The following ABHD17C variants were observed in gnomAD, a reference collection of about 807,000 sequenced individuals.
ABHD17C encodes the protein abhydrolase domain containing 17C, depalmitoylase.
A neutral mutation model predicts 27.9 loss-of-function variants in ABHD17C; 11 were observed. The ratio of observed to expected loss-of-function variants is 0.39; its 90% CI spans 0.25 to 0.65. The LOEUF is 0.65. Among genes scored for constraint, ABHD17C ranks in the 30% least tolerant of loss-of-function variants. The pLI is 0.45. For synonymous variants in ABHD17C, 233 were observed against 209.1 expected, an observed-to-expected ratio of 1.11 and a Z score of -0.98; for missense variants, 280 against 470.2, an observed-to-expected ratio of 0.60 and a Z score of 3.74.
intron 1 of ABHD17C, among the ~76,000 whole-genome samples, chr15:80,698,106 C>T (rs1411420838): frequency 2.7e-5 from 4 of 147,202 alleles, no homozygotes; most frequent in Admixed American, 6.9e-5. Flanking sequence ...GCTCTGTCGC[C>T]CAGGCTGGAG....
At chr15:80,740,592 A>G (rs969465636) in intron 1 of ABHD17C, among the ~76,000 whole-genome samples, 1 of 152,112 alleles carries the variant, frequency 6.6e-6, no homozygotes, top group African/African-American at 2.4e-5. Flanking sequence ...AGACATACGG[A>G]TCAGAATTCT....
At chr15:80,720,298 C>T (rs1894876357) in intron 1 of ABHD17C, among the ~76,000 whole-genome samples, 1 of 151,676 alleles carries the variant, frequency 6.6e-6, no homozygotes, top group Non-Finnish European at 1.5e-5. Context: ...TCTTGGTGGG[C>T]CCCCTGTTTT....
Position 80,728,590 on chromosome 15 carries a change from C to T in ABHD17C, c.591-20923C>T, listed in dbSNP as rs537107821. 6.6e-5 allele frequency among the ~76,000 whole-genome samples: 10 copies of T among 152,312 alleles called. No individual in the cohort carries two copies. The East Asian group carries it at 1.9e-3, about 29-fold the overall frequency. ...GGGCATTTTTATTGGGCATTAGAGTCAAGACTATAGTGATTTGTGGGCTCA... is the reference window on the plus strand; with the variant it reads ...GGGCATTTTTATTGGGCATTAGAGTTAAGACTATAGTGATTTGTGGGCTCA... On this transcript the variant is annotated intron_variant, in intron 1 of 2. Transcript: ENST00000258884.
intron 1 of ABHD17C, among the ~76,000 whole-genome samples, chr15:80,748,571 C>T (rs571019383): frequency 7.2e-5 from 11 of 152,036 alleles, no homozygotes; most frequent in African/African-American, 9.6e-5. Flanking sequence ...TCATTTCTTT[C>T]GCCTATTTGT....
At chr15:80,733,122 AG>A (rs1482079693) in intron 1 of ABHD17C, among the ~76,000 whole-genome samples, 1 of 152,292 alleles carries the variant, frequency 6.6e-6, no homozygotes, top group East Asian at 1.9e-4. Flanking sequence ...AGCTGGGTTC[AG>A]ACCTTGTGCT....
intron 1 of ABHD17C, among the ~76,000 whole-genome samples, chr15:80,722,030 C>T (rs1022183942): frequency 2.0e-5 from 3 of 152,086 alleles, no homozygotes; most frequent in South Asian, 2.1e-4. Flanking sequence ...AATTTTGAGT[C>T]GGAATCCTCT....
chr15:80,741,060 C>T (rs1330204917), intron 1 of ABHD17C, among the ~76,000 whole-genome samples: 1 of 152,172 alleles, frequency 6.6e-6, no homozygotes, highest in East Asian at 1.9e-4. Flanking sequence ...TCTTGATCCC[C>T]TTCCTTCATC....
At chr15:80,710,521 G>A (rs1894714962) in intron 1 of ABHD17C, among the ~76,000 whole-genome samples, 1 of 152,166 alleles carries the variant, frequency 6.6e-6, no homozygotes, top group Admixed American at 6.5e-5. Context: ...GGATGCAAAT[G>A]CAGTATTTTA....
At chr15:80,718,977 G>A (rs1055315769) in intron 1 of ABHD17C, among the ~76,000 whole-genome samples, 1 of 152,168 alleles carries the variant, frequency 6.6e-6, no homozygotes, top group African/African-American at 2.4e-5. Flanking sequence ...TTTTAAAGAA[G>A]GAATGCCTTT....
intron 1 of ABHD17C, among the ~76,000 whole-genome samples, chr15:80,723,777 G>A (rs558446785): frequency 7.6e-4 from 115 of 152,312 alleles, no homozygotes; most frequent in Non-Finnish European, 1.5e-3. Flanking sequence ...TTGCGTGGCC[G>A]ATGGCATGAG....
intron 1 of ABHD17C, among the ~76,000 whole-genome samples, chr15:80,744,770 AAC>A (rs1291238528): frequency 2.0e-5 from 3 of 152,264 alleles, no homozygotes; most frequent in Non-Finnish European, 4.4e-5. Flanking sequence ...ACCTGAAGAC[AAC>A]AGTTATTACC....
At chr15:80,704,374 G>C (rs1370410248) in intron 1 of ABHD17C, among the ~76,000 whole-genome samples, 1 of 152,050 alleles carries the variant, frequency 6.6e-6, no homozygotes, top group African/African-American at 2.4e-5. Context: ...ACCCCACCTA[G>C]CCTTGTTCTG....
At chr15:80,719,680 T>C (rs2141501780) in intron 1 of ABHD17C, among the ~76,000 whole-genome samples, 1 of 152,396 alleles carries the variant, frequency 6.6e-6, no homozygotes. Flanking sequence ...TAGATCTTTC[T>C]GATTTAAGGC....
chr15:80,695,339 C>T lies in ABHD17C; in HGVS notation c.-91C>T. The T allele has an allele frequency of 1.1e-6, 1 of 907,112 alleles. No homozygotes were observed. The allele number at this position is 907,112 out of a possible 1,614,324, so 56.2% of individuals were successfully genotyped here. ...TGCAGCCGCCCTCCGCGCTCGCCTG[C>T]CAGCTCCCTCGCCGCGCGTCCGTCC... On this transcript the variant is annotated 5_prime_UTR_variant, in exon 1 of 3. Transcript: ENST00000258884. The surrounding 1 kb of genome is among the most constrained non-coding windows in gnomAD (Gnocchi z 4.3).
At chr15:80,714,232 A>G (rs1430901817) in intron 1 of ABHD17C, among the ~76,000 whole-genome samples, 1 of 152,226 alleles carries the variant, frequency 6.6e-6, no homozygotes, top group East Asian at 1.9e-4. Flanking sequence ...CTAGGATTAC[A>G]GGCGTGAGCC....
chr15:80,734,270 C>A (rs188361866), intron 1 of ABHD17C, among the ~76,000 whole-genome samples: 14 of 152,332 alleles, frequency 9.2e-5, no homozygotes, highest in African/African-American at 2.9e-4. Flanking sequence ...CAGGTGTGAG[C>A]CACCATGTCT....
At chr15:80,744,182 A>G (rs1895251903) in intron 1 of ABHD17C, among the ~76,000 whole-genome samples, 1 of 152,158 alleles carries the variant, frequency 6.6e-6, no homozygotes, top group Admixed American at 6.5e-5. Context: ...TTTTTGCCCA[A>G]TGTCAGTCAG....
chr15:80,700,510 G>A (rs1361614723), intron 1 of ABHD17C, among the ~76,000 whole-genome samples: 3 of 152,180 alleles, frequency 2.0e-5, no homozygotes, highest in Non-Finnish European at 4.4e-5. Context: ...GATGCAGAGG[G>A]AAGAAGATAA....
At chr15:80,747,924 G>A (rs1325090052) in intron 1 of ABHD17C, among the ~76,000 whole-genome samples, 3 of 152,096 alleles carry the variant, frequency 2.0e-5, no homozygotes, top group East Asian at 3.9e-4. Context: ...TCCAGTGGCC[G>A]TCATCTCCAG....
Sources: allele counts gnomAD v4.1 joint callset (sites outside exome capture counted in the v4.1 genomes callset), GRCh38; gene constraint gnomAD v4.1.1; non-coding constraint Gnocchi (gnomAD v3.1); transcripts MANE v1.5; gene names NCBI Gene and HGNC (gene_info 2026-07-23, HGNC 2026-07-21).